ENTHD1: variants seen among roughly 807,000 people sequenced by gnomAD.
The protein encoded by ENTHD1 is ENTH domain containing 1, also known as ENTH domain-containing protein 1.
A neutral mutation model predicts 39.1 loss-of-function variants in ENTHD1; 23 were observed. That is an observed-to-expected ratio of 0.59 (90% CI 0.42 to 0.83). The LOEUF is 0.83. Among genes scored for constraint, ENTHD1 ranks in the 40% least tolerant of loss-of-function variants. The probability of loss-of-function intolerance (pLI) is 0.00; values close to 1 mark genes in which losing one functional copy is unlikely to be tolerated. For synonymous variants in ENTHD1, 230 were observed against 258.2 expected (o/e 0.89, Z 1.05); for missense variants, 624 against 705.4 (o/e 0.88, Z 1.31).
intron 5 of ENTHD1, among the ~76,000 whole-genome samples, chr22:39,773,117 CAAAAAAAAAA>C (rs57398699): frequency 5.8e-4 from 21 of 36,100 alleles, no homozygotes; most frequent in Non-Finnish European, 9.6e-4. Context: ...GACCTCATCT[CAAAAAAAAAA>C]AAAAAAAAAA....
intron 5 of ENTHD1, among the ~76,000 whole-genome samples, chr22:39,768,743 A>T (rs1024475636): frequency 1.3e-5 from 2 of 152,114 alleles, no homozygotes; most frequent in African/African-American, 4.8e-5. Context: ...ATTATTTAAT[A>T]TCAACTTTAT....
intron 5 of ENTHD1, among the ~76,000 whole-genome samples, chr22:39,789,301 A>G (rs2065485148): frequency 6.6e-6 from 1 of 152,046 alleles, no homozygotes. Context: ...ATTGTGTTTC[A>G]TCTTTCTCTT....
chr22:39,762,242 A>G (rs1468290488), intron 6 of ENTHD1, among the ~76,000 whole-genome samples: 1 of 152,118 alleles, frequency 6.6e-6, no homozygotes, highest in Admixed American at 6.5e-5. Context: ...GTTTATACAC[A>G]AATAATGAGG....
At chr22:39,774,940 C>A (rs1457596586) in intron 5 of ENTHD1, among the ~76,000 whole-genome samples, 1 of 152,208 alleles carries the variant, frequency 6.6e-6, no homozygotes, top group African/African-American at 2.4e-5. Flanking sequence ...GCTGTTCCCT[C>A]AGCCTAGAAT....
At chr22:39,791,161 GTTATATATA>G (rs908571149) in intron 5 of ENTHD1, among the ~76,000 whole-genome samples, 12 of 147,842 alleles carry the variant, frequency 8.1e-5, no homozygotes, top group African/African-American at 3.0e-4. Flanking sequence ...AGAGTCTAAA[GTTATATATA>G]TTATATATAT....
At chr22:39,770,590 T>A (rs1475423497) in intron 5 of ENTHD1, among the ~76,000 whole-genome samples, 1 of 152,150 alleles carries the variant, frequency 6.6e-6, no homozygotes, top group East Asian at 1.9e-4. Context: ...GCTACCTTGA[T>A]CATACCATGG....
At chr22:39,804,303 T>G (rs1407549323) in intron 5 of ENTHD1, among the ~76,000 whole-genome samples, 2 of 151,868 alleles carry the variant, frequency 1.3e-5, no homozygotes, top group Admixed American at 1.3e-4. Flanking sequence ...CTGGGCAACA[T>G]AGCGAGACCC....
chr22:39,857,150 G>A (rs185741079), intron 3 of ENTHD1, among the ~76,000 whole-genome samples: 8 of 151,974 alleles, frequency 5.3e-5, no homozygotes, highest in Admixed American at 3.3e-4. Flanking sequence ...GTTTAAAAAC[G>A]CAATCTGTGG....
At chr22:39,871,334 T>C (rs1287145829) in intron 2 of ENTHD1, among the ~76,000 whole-genome samples, 1 of 152,212 alleles carries the variant, frequency 6.6e-6, no homozygotes, top group Non-Finnish European at 1.5e-5. Flanking sequence ...TAGTAACTAA[T>C]ATCGACAGGT....
intron 5 of ENTHD1, among the ~76,000 whole-genome samples, chr22:39,799,216 A>T (rs1231303597): frequency 6.6e-6 from 1 of 152,046 alleles, no homozygotes; most frequent in African/African-American, 2.4e-5. Flanking sequence ...GCACAAGTAT[A>T]CCTCGGCCCT....
At chr22:39,790,933 TC>T (rs2065498891) in intron 5 of ENTHD1, among the ~76,000 whole-genome samples, 1 of 152,040 alleles carries the variant, frequency 6.6e-6, no homozygotes, top group African/African-American at 2.4e-5. Context: ...CACCACACTG[TC>T]CCTTTATAAT....
rs1271681240 is a variant in ENTHD1 at position 39,743,600 on chromosome 22, T to C, written c.*79A>G. On this transcript the variant is annotated 3_prime_UTR_variant, in exon 7 of 7. Coordinates refer to ENST00000325157, the MANE Select transcript of ENTHD1 (RefSeq NM_152512.4). ...ACCATCCCCTTTTTTGCCATAATAA[T>C]ATGAATTTATACAATGCTAACGTAA... The C allele has an allele frequency of 2.8e-6, 4 of 1,410,550 alleles. No individual in the cohort carries two copies. Among genetic ancestry groups the C allele is most frequent in the Admixed American group, 2.7e-5 (1 of 37,630 alleles). The allele number at this position is 1,410,550 out of a possible 1,614,324, so 87.4% of individuals were successfully genotyped here. A position where few individuals can be genotyped will look rare whatever the true frequency, so the allele number is the denominator to read the frequency against.
intron 2 of ENTHD1, among the ~76,000 whole-genome samples, chr22:39,885,365 G>A (rs2066371468): frequency 6.6e-6 from 1 of 152,128 alleles, no homozygotes. Flanking sequence ...AGTGTTGGCA[G>A]GAATACAGAA....
intron 4 of ENTHD1, among the ~76,000 whole-genome samples, chr22:39,830,237 G>A (rs200090029): frequency 5.0e-4 from 76 of 151,910 alleles, no homozygotes; most frequent in Non-Finnish European, 8.7e-4. Context: ...CACCACGCCC[G>A]GTAATTTTCG....
intron 2 of ENTHD1, among the ~76,000 whole-genome samples, chr22:39,869,532 A>C (rs924687718): frequency 2.0e-5 from 3 of 152,100 alleles, no homozygotes; most frequent in African/African-American, 7.2e-5. Context: ...TGATTAGTAC[A>C]CGGGTGATGG....
intron 5 of ENTHD1, among the ~76,000 whole-genome samples, chr22:39,800,948 G>A (rs2065593975): frequency 6.6e-6 from 1 of 152,206 alleles, no homozygotes; most frequent in African/African-American, 2.4e-5. Flanking sequence ...GTTTGAAGAG[G>A]AAGTGACATG....
chr22:39,815,098 A>G (rs1476952631), intron 5 of ENTHD1, among the ~76,000 whole-genome samples: 1 of 152,236 alleles, frequency 6.6e-6, no homozygotes, highest in South Asian at 2.1e-4. Flanking sequence ...ATGAGGAAAC[A>G]TGAATGAGTC....
chr22:39,778,136 A>G (rs553947299), intron 5 of ENTHD1, among the ~76,000 whole-genome samples: 1 of 152,330 alleles, frequency 6.6e-6, no homozygotes, highest in African/African-American at 2.4e-5. Context: ...TGCCTGGCAC[A>G]CAGCAAACTC....
chr22:39,876,151 TTA>T (rs1374924211), intron 2 of ENTHD1: 1 of 1,537,102 alleles, frequency 6.5e-7, no homozygotes, highest in Admixed American at 2.0e-5. Context: ...CTTTCAGTCT[TTA>T]TGTCACCTCA....
Sources: allele counts gnomAD v4.1 joint callset (sites outside exome capture counted in the v4.1 genomes callset), GRCh38; gene constraint gnomAD v4.1.1; transcripts MANE v1.5; gene names NCBI Gene and HGNC (gene_info 2026-07-23, HGNC 2026-07-21).